Variants in IRF2 observed in about 807,000 individuals in gnomAD.
IRF2 encodes interferon regulatory factor 2.
Under a neutral mutation model 40.6 loss-of-function variants are expected in IRF2, and 15 were observed. The observed-to-expected ratio is 0.37, with a 90% CI of 0.25 to 0.57. The LOEUF (loss-of-function observed/expected upper bound fraction) is 0.57. Ranked by LOEUF, IRF2 falls within the 20% of genes least tolerant of loss-of-function variation. The probability of loss-of-function intolerance (pLI) is 0.77; values close to 1 mark genes in which losing one functional copy is unlikely to be tolerated. For missense variants in IRF2, 317 were observed against 455.7 expected (o/e 0.70, Z 2.77); for synonymous variants, 151 against 165.5 (o/e 0.91, Z 0.67).
chr4:184,439,353 T>TA (rs373302317), intron 1 of IRF2, among the ~76,000 whole-genome samples: 31,772 of 136,638 alleles, frequency 0.23, 3,676 homozygotes, highest in Middle Eastern at 0.28. Flanking sequence ...CGGGGGTACT[T>TA]AAAAAAAAAA....
At position 184,429,078 on chromosome 4, in the gene IRF2, G is replaced by T. The variant is rs1234398460; in HGVS notation, c.-6-8C>A. Reference sequence around the variant, plus strand: ...TTCCACCGGCATGGTGCCCTTGAGGGAGAGAAACACAGCGTCAGGCGTTGG... The same window carrying T: ...TTCCACCGGCATGGTGCCCTTGAGGTAGAGAAACACAGCGTCAGGCGTTGG... On this transcript the variant is annotated splice_region_variant and splice_polypyrimidine_tract_variant and intron_variant, in intron 1 of 8. Coordinates refer to ENST00000393593, the MANE Select transcript of IRF2 (RefSeq NM_002199.4). 1 of 1,610,972 alleles carries T rather than the reference G, an allele frequency of 6.2e-7. No homozygotes were observed.
intron 2 of IRF2, among the ~76,000 whole-genome samples, chr4:184,422,618 A>G (rs1737521310): frequency 6.6e-6 from 1 of 152,266 alleles, no homozygotes; most frequent in South Asian, 2.1e-4. Flanking sequence ...TAGAGTATTG[A>G]CACATGCTAC....
At chr4:184,402,953 T>C (rs1190748887) in intron 6 of IRF2, among the ~76,000 whole-genome samples, 17 of 152,160 alleles carry the variant, frequency 1.1e-4, no homozygotes, top group Admixed American at 1.1e-3. Context: ...GGGAAAAAAG[T>C]AGATAAGCAC....
At chr4:184,473,775 T>TCC (rs560473686) in intron 1 of IRF2, among the ~76,000 whole-genome samples, 10,198 of 150,852 alleles carry the variant, frequency 0.068, 969 homozygotes, top group African/African-American at 0.21. Flanking sequence ...GAGGCGCTCC[T>TCC]CCCGGCCGGG....
intron 6 of IRF2, among the ~76,000 whole-genome samples, chr4:184,402,554 A>G (rs574993919): frequency 6.6e-6 from 1 of 152,338 alleles, no homozygotes; most frequent in East Asian, 1.9e-4. Flanking sequence ...GTCATGACAC[A>G]TGCTCACAAC....
chr4:184,464,444 C>T (rs957713146), intron 1 of IRF2, among the ~76,000 whole-genome samples: 4 of 149,390 alleles, frequency 2.7e-5, no homozygotes, highest in East Asian at 2.0e-4. Context: ...ATGAAAATAG[C>T]GACTGTATAG....
intron 1 of IRF2, among the ~76,000 whole-genome samples, chr4:184,452,947 T>C (rs1314738791): frequency 6.6e-6 from 1 of 152,024 alleles, no homozygotes. Context: ...TATTAAAAAT[T>C]TTAAAACTAC....
At chr4:184,390,794 A>C (rs1736233141) in intron 7 of IRF2, 45 bp from the exon 8 acceptor site, 2 of 1,605,556 alleles carry the variant, frequency 1.2e-6, no homozygotes, top group African/African-American at 1.3e-5. Flanking sequence ...CCTGTCCCTC[A>C]AGCTGTCCCC....
At chr4:184,412,695 G>C (rs1369960449) in intron 5 of IRF2, among the ~76,000 whole-genome samples, 2 of 152,200 alleles carry the variant, frequency 1.3e-5, no homozygotes, top group Admixed American at 1.3e-4. Context: ...CTCCTGCCCG[G>C]TCCCAGAACC....
In IRF2 at chr4:184,399,055, C is replaced by T. The variant is rs2149893200; in HGVS notation, c.554G>A (p.Ser185Asn). The T allele has an allele frequency of 1.9e-6, 3 of 1,610,186 alleles. No homozygotes were observed. Among genetic ancestry groups the T allele is most frequent in the Non-Finnish European group, 2.5e-6 (3 of 1,178,012 alleles). Residue 185 changes from serine (S) to asparagine (N), a missense_variant, in exon 7 of 9, where the codon AGC (serine) becomes AAC (asparagine). Transcript: ENST00000393593. Reference sequence around the variant, plus strand: ...GACAATCTCTTGATTCTCAATGTTGCTGTCCAGATGGGACTGTCCTACAAC... The same window carrying T: ...GACAATCTCTTGATTCTCAATGTTGTTGTCCAGATGGGACTGTCCTACAAC... ...IIVVGQSHLD[S>N]NIENQEIVTN...
intron 1 of IRF2, among the ~76,000 whole-genome samples, chr4:184,444,483 G>A (rs1738431583): frequency 6.6e-6 from 1 of 152,202 alleles, no homozygotes. Flanking sequence ...TAAATAAGAT[G>A]TGTAACATGC....
chr4:184,417,051 T>TA, intron 5 of IRF2, among the ~76,000 whole-genome samples: 1 of 152,040 alleles, frequency 6.6e-6, no homozygotes, highest in East Asian at 1.9e-4. Flanking sequence ...CATCTCAGTT[T>TA]AAAAAAAATT....
chr4:184,435,097 T>G (rs1051850668), intron 1 of IRF2, among the ~76,000 whole-genome samples: 7 of 152,206 alleles, frequency 4.6e-5, no homozygotes, highest in African/African-American at 1.4e-4. Context: ...TTTTGCCATT[T>G]AACCCTTACA....
At chr4:184,418,271 T>C in intron 4 of IRF2, 58 bp from the exon 5 acceptor site, 1 of 1,309,680 alleles carries the variant, frequency 7.6e-7, no homozygotes, top group Non-Finnish European at 1.1e-6. Context: ...AGAGAAACAT[T>C]TCCCTCAAAT....
rs760310231 is a variant in IRF2, at chr4:184,388,902, G to C, written c.906C>G (p.Asn302Lys). 1.2e-5 allele frequency: 20 copies of C among 1,614,010 alleles called. No individual in the cohort carries two copies. Among genetic ancestry groups the C allele is most frequent in the Non-Finnish European group, 1.7e-5 (20 of 1,180,036 alleles). Residue 302 changes from asparagine to lysine, a missense_variant, in exon 9 of 9, where the codon AAC becomes AAG. Coordinates refer to ENST00000393593, the MANE Select transcript of IRF2 (RefSeq NM_002199.4). The surrounding 1 kb of genome is among the most constrained non-coding windows in gnomAD (Gnocchi z 4.6). ...GGTCTTGAAAAGGGGGCCAGGAGCT[G>C]TTGTAAGGCACCGGATTGCTCTCCT... is the stretch of plus-strand genomic sequence containing the variant. The part of the protein sequence containing the change: ...IKEESNPVPY[N>K]SSWPPFQDLP...
At position 184,401,065 on chromosome 4, in the gene IRF2, C is replaced by T. The variant is rs374680006; in HGVS notation, c.530-1986G>A. Among the ~76,000 whole-genome samples the T allele has an allele frequency of 5.9e-5, 9 of 152,352 alleles. No individual in the cohort carries two copies. The East Asian group carries it at 1.5e-3, about 26-fold the overall frequency. On this transcript the variant is annotated intron_variant, in intron 6 of 8. Coordinates refer to ENST00000393593, the MANE Select transcript of IRF2 (RefSeq NM_002199.4). ...GGCACAGAGAGGGAGAGTGACTTGT[C>T]CAGACTCGCACAGCTTGGAGTATAT...
At chr4:184,428,204 A>G (rs1400431143) in intron 2 of IRF2, among the ~76,000 whole-genome samples, 1 of 152,226 alleles carries the variant, frequency 6.6e-6, no homozygotes, top group Non-Finnish European at 1.5e-5. Flanking sequence ...ATAGGGCTTC[A>G]TTACAGAGGT....
In IRF2 at chr4:184,427,600, G is replaced by A. The variant is rs369645192; in HGVS notation, c.87+1378C>T. The stretch of plus-strand genomic sequence containing the variant: ...GCAGAGGTTACAGTGAGCTGAGATC[G>A]TGCCACTGCACTCCAGCCTGGGTGA... On this transcript the variant is annotated intron_variant, in intron 2 of 8. Coordinates refer to ENST00000393593, the MANE Select transcript of IRF2 (RefSeq NM_002199.4). Among the ~76,000 whole-genome samples the A allele has an allele frequency of 2.0e-5, 3 of 152,116 alleles. No homozygotes were observed. In the East Asian group the frequency reaches 5.8e-4, roughly 29 times the overall value.
At chr4:184,470,356 CAGTA>C (rs1305767382) in intron 1 of IRF2, among the ~76,000 whole-genome samples, 3 of 152,122 alleles carry the variant, frequency 2.0e-5, no homozygotes, top group African/African-American at 7.2e-5. Context: ...GTTGGGCACA[CAGTA>C]AGCATTCAAT....
Sources: gnomAD v4.1 joint callset for allele counts (sites outside exome capture counted in the v4.1 genomes callset) on GRCh38, gnomAD v4.1.1 for gene constraint, Gnocchi (gnomAD v3.1) non-coding constraint, MANE v1.5 for transcripts, NCBI Gene and HGNC (gene_info 2026-07-23, HGNC 2026-07-21) for gene names.